TEDC1: variants seen among roughly 807,000 people sequenced by gnomAD.
TEDC1 encodes the protein tubulin epsilon and delta complex 1.
A neutral mutation model predicts 59.9 loss-of-function variants in TEDC1; 54 were observed. That is an observed-to-expected ratio of 0.90 (90% CI 0.72 to 1.13). The LOEUF is 1.13. Among genes scored for constraint, TEDC1 ranks in the 50% most tolerant of loss-of-function variants. The probability of loss-of-function intolerance (pLI) is 0.00; values close to 1 mark genes in which losing one functional copy is unlikely to be tolerated. For missense variants in TEDC1, 734 were observed against 683.4 expected (o/e 1.07, Z -0.83); for synonymous variants, 353 against 298.1 (o/e 1.18, Z -1.90).
intron 3 of TEDC1, 134 bp downstream of exon 3, chr14:105,492,443 C>T: frequency 6.8e-7 from 1 of 1,477,790 alleles, no homozygotes; most frequent in Non-Finnish European, 9.0e-7. Flanking sequence ...CCCAGCTGCC[C>T]AGCTGAAAGC....
At chr14:105,490,793 C>T (rs1278760726), upstream of TEDC1, 8 of 574,268 alleles carry the variant, frequency 1.4e-5, no homozygotes, top group South Asian at 1.6e-4. Context: ...GGGCGAGGCT[C>T]GTCCGCTCCG....
chr14:105,492,352 C>T (rs1555439635), intron 3 of TEDC1, 43 bp downstream of exon 3: 6 of 1,590,924 alleles, frequency 3.8e-6, no homozygotes, highest in South Asian at 1.1e-5. Context: ...CTGGTCTCAA[C>T]TCCTGGGGCC....
intron 2 of TEDC1, 132 bp downstream of exon 2, chr14:105,491,832 CA>C: frequency 8.8e-7 from 1 of 1,135,706 alleles, no homozygotes; most frequent in South Asian, 1.4e-5. Context: ...GCTTGCTCCT[CA>C]AAACTCCGCC....
rs952730235 is a variant in TEDC1 at position 105,494,056 on chromosome 14, C to T, written c.684+123C>T. On this transcript the variant is annotated intron_variant, in intron 5 of 8. Transcript: ENST00000392523. ...CTTGGGCCTCCAGCGGTGGGTGTCT[C>T]TGCATGTCTGCCACTGATCATTGCC... The T allele has an allele frequency of 1.9e-5, 14 of 743,432 alleles. No individual in the cohort carries two copies. The African/African-American group carries it at 2.3e-4, about 12-fold the overall frequency. The allele number at this position is 743,432 out of a possible 1,614,324, so 46.1% of individuals were successfully genotyped here.
In TEDC1 at chr14:105,492,085, AGGT is replaced by A. The variant is rs782695052; in HGVS notation, c.227-15_227-13del. Reference sequence around the variant, plus strand: ...CACCTCCAGGTGGGTGGTCCCCCTAAGGTGGTGGTCTTCTGTCCTAGAGGTCCA... The same window carrying A: ...CACCTCCAGGTGGGTGGTCCCCCTAAGGTGGTCTTCTGTCCTAGAGGTCCA... On this transcript the variant is annotated intron_variant, in intron 2 of 8. Coordinates refer to ENST00000392523, the MANE Select transcript of TEDC1 (RefSeq NM_001367178.1). 6 of 1,571,230 alleles carry A rather than the reference AGGT, an allele frequency of 3.8e-6. No homozygotes were observed. The Admixed American group carries it at 1.1e-4, about 30-fold the overall frequency.
rs1379116252 is a variant in TEDC1 at position 105,491,288 on chromosome 14, C to T, written c.-88C>T. 15 of 1,510,978 alleles carry T rather than the reference C, an allele frequency of 9.9e-6. No individual in the cohort carries two copies. The South Asian group carries it at 1.6e-4, about 16-fold the overall frequency. The allele number at this position is 1,510,978 out of a possible 1,614,324, so 93.6% of individuals were successfully genotyped here. On this transcript the variant is annotated 5_prime_UTR_variant, in exon 1 of 9. Coordinates refer to ENST00000392523, the MANE Select transcript of TEDC1 (RefSeq NM_001367178.1). ...GTAACTGGGCGCAGGTCCCAGCCGC[C>T]GCACTAAACCCGGCCCGTGCGGTGA... is the stretch of plus-strand genomic sequence containing the variant.
intron 4 of TEDC1, among the ~76,000 whole-genome samples, chr14:105,493,147 C>T (rs1595471797): frequency 6.6e-6 from 1 of 152,180 alleles, no homozygotes; most frequent in East Asian, 1.9e-4. Context: ...GTGGACAGCT[C>T]CTGTGGGGTC....
At chr14:105,494,376 GA>G in intron 5 of TEDC1, 2 of 212,982 alleles carry the variant, frequency 9.4e-6, no homozygotes, top group South Asian at 1.3e-4. Flanking sequence ...TGTGGGAGGG[GA>G]CAACTGCCCT....
intron 6 of TEDC1, 83 bp from the exon 7 acceptor site, chr14:105,497,274 G>T: frequency 7.3e-7 from 1 of 1,363,482 alleles, no homozygotes; most frequent in South Asian, 1.2e-5. Flanking sequence ...GCCGGGTGTC[G>T]GCGCTGGGTC....
In TEDC1 at chr14:105,496,099, G is replaced by C; in HGVS notation, c.891+13G>C. On this transcript the variant is annotated intron_variant, in intron 6 of 8. Coordinates refer to ENST00000392523, the MANE Select transcript of TEDC1 (RefSeq NM_001367178.1). ...CCCTTTTAGGGCGGTAAGTCGGGGA[G>C]GCTGGCAGGGAAGTGGAGACCGCAG... is the stretch of plus-strand genomic sequence containing the variant. 6.6e-7 allele frequency: 1 copy of C among 1,522,320 alleles called. No homozygotes were observed. The highest frequency in any genetic ancestry group is 1.4e-5 in the African/African-American group (1 of 72,024). 94.3% of individuals were successfully genotyped at this position (1,522,320 alleles called of 1,614,324 possible).
intron 2 of TEDC1, 112 bp downstream of exon 2, chr14:105,491,812 C>A: frequency 1.6e-6 from 2 of 1,255,922 alleles, no homozygotes; most frequent in Non-Finnish European, 1.1e-6. Context: ...CCCCACCCAA[C>A]ACTGACCCCG....
At position 105,495,807 on chromosome 14, in the gene TEDC1, G is replaced by A. The variant is rs2084331677; in HGVS notation, c.685-73G>A. ...TGGGCTGGGGGGGCCTGGAAGTGAG[G>A]CCCCGCCCTCTCCCCGAAGCTGTGT... is the stretch of plus-strand genomic sequence containing the variant. On this transcript the variant is annotated intron_variant, in intron 5 of 8. Transcript: ENST00000392523. 20 of 1,267,570 alleles carry A rather than the reference G, an allele frequency of 1.6e-5. No individual in the cohort carries two copies. The South Asian group carries it at 2.8e-4, about 18-fold the overall frequency. The allele number at this position is 1,267,570 out of a possible 1,614,324, so 78.5% of individuals were successfully genotyped here. A position where few individuals can be genotyped will look rare whatever the true frequency, so the allele number is the denominator to read the frequency against.
At chr14:105,495,058 A>G (rs1235651634) in intron 5 of TEDC1, 1 of 152,216 alleles carries the variant, frequency 6.6e-6, no homozygotes, top group Non-Finnish European at 1.5e-5. Context: ...TTTTTAGTAG[A>G]GACGGGGTTT....
chr14:105,497,207 A>T (rs1555440587), intron 6 of TEDC1, 150 bp from the exon 7 acceptor site: 2 of 779,308 alleles, frequency 2.6e-6, no homozygotes, highest in Non-Finnish European at 2.1e-6. Context: ...CTCTGGCCAG[A>T]GAACCTGGGC....
Position 105,498,657 on chromosome 14 carries a change from G to A in TEDC1, c.1199G>A (p.Arg400Gln), listed in dbSNP as rs370802481. The A allele has an allele frequency of 3.2e-5, 50 of 1,554,620 alleles. No individual in the cohort carries two copies. The highest frequency in any genetic ancestry group is 1.8e-4 in the South Asian group (15 of 84,228). Residue 400 changes from arginine to glutamine, a missense_variant, in exon 9 of 9, where the codon CGG becomes CAG. Arg to Gln is a conservative substitution (Grantham distance 43, BLOSUM62 1). Coordinates refer to ENST00000392523, the MANE Select transcript of TEDC1 (RefSeq NM_001367178.1). ...CGRGPEWSAARRASREAVEKE... is the reference protein window; with the variant it reads ...CGRGPEWSAAQRASREAVEKE... The stretch of plus-strand genomic sequence containing the variant: ...CGGGGGCCAGAGTGGAGTGCCGCGC[G>A]GCGGGCCTCTCGGGAGGCTGTGGAA...
In TEDC1 at chr14:105,491,425, G is replaced by C; in HGVS notation, c.50G>C (p.Gly17Ala). The C allele has an allele frequency of 1.4e-6, 2 of 1,426,086 alleles. No individual in the cohort carries two copies. The highest frequency in any genetic ancestry group is 3.0e-5 in the South Asian group (2 of 66,940). 88.3% of individuals were successfully genotyped at this position (1,426,086 alleles called of 1,614,324 possible). A position where few individuals can be genotyped will look rare whatever the true frequency, so the allele number is the denominator to read the frequency against. ...GACCCCGCGGCTGGGGCCCGGGCCGGGGCCCTGCCTGAGGCCATCGCCGCG... is the reference window on the plus strand; with the variant it reads ...GACCCCGCGGCTGGGGCCCGGGCCGCGGCCCTGCCTGAGGCCATCGCCGCG... Reference protein sequence around the residue: ...RVDPAAGARAGALPEAIAALS... With the variant: ...RVDPAAGARAAALPEAIAALS... Residue 17 changes from glycine (G) to alanine (A), a missense_variant, in exon 1 of 9, where the codon GGG (glycine) becomes GCG (alanine). Gly to Ala is a moderately conservative substitution (Grantham distance 60). Transcript: ENST00000392523.
upstream of TEDC1, chr14:105,490,823 A>G: frequency 1.6e-6 from 1 of 620,374 alleles, no homozygotes. Flanking sequence ...GCGGCCCCAC[A>G]GGGCGCCTTC....
Position 105,497,497 on chromosome 14 carries a change from G to A in TEDC1, c.978+54G>A, listed in dbSNP as rs2084373888. The A allele has an allele frequency of 2.0e-6, 3 of 1,521,218 alleles. No homozygotes were observed. In the East Asian group the frequency reaches 7.4e-5, roughly 37 times the overall value. 94.2% of individuals were successfully genotyped at this position (1,521,218 alleles called of 1,614,324 possible). A position where few individuals can be genotyped will look rare whatever the true frequency, so the allele number is the denominator to read the frequency against. On this transcript the variant is annotated intron_variant, in intron 7 of 8. Coordinates refer to ENST00000392523, the MANE Select transcript of TEDC1 (RefSeq NM_001367178.1). ...GCATCCCTTCCCACAGCAGCCCCCA[G>A]GTGGGGCATTCGGGATCTTCCTGTT...
At chr14:105,493,787 G>T in intron 4 of TEDC1, 48 bp from the exon 5 acceptor site, 3 of 1,357,572 alleles carry the variant, frequency 2.2e-6, no homozygotes, top group Non-Finnish European at 2.1e-6. Flanking sequence ...AGCGTTGGGG[G>T]AGGTGCTTGA....
Sources: gnomAD v4.1 joint callset for allele counts (sites outside exome capture counted in the v4.1 genomes callset) on GRCh38, gnomAD v4.1.1 for gene constraint, MANE v1.5 for transcripts, NCBI Gene and HGNC (gene_info 2026-07-23, HGNC 2026-07-21) for gene names.